Variants in DEF6 observed in about 807,000 individuals in gnomAD.
DEF6 encodes DEF6 guanine nucleotide exchange factor.
Under a neutral mutation model 80.5 loss-of-function variants are expected in DEF6, and 32 were observed. The ratio of observed to expected loss-of-function variants is 0.40; its 90% confidence interval spans 0.30 to 0.53. DEF6 has a LOEUF of 0.53. Ranked by LOEUF, DEF6 falls within the 20% of genes least tolerant of loss-of-function variation. DEF6 has a pLI of 0.57. For missense variants in DEF6, 575 were observed against 818.7 expected (o/e 0.70, Z 3.63); for synonymous variants, 300 against 337.9 (o/e 0.89, Z 1.23).
intron 9 of DEF6, 26 bp from the exon 10 acceptor site, chr6:35,320,858 A>T (rs1167340111): frequency 1.3e-6 from 2 of 1,587,202 alleles, no homozygotes; most frequent in South Asian, 1.1e-5. Context: ...GGTTCTGATC[A>T]CTCCCCACTG....
At chr6:35,317,249 C>T (rs958655495) in intron 5 of DEF6, among the ~76,000 whole-genome samples, 13 of 152,208 alleles carry the variant, frequency 8.5e-5, no homozygotes, top group Middle Eastern at 3.2e-3. Flanking sequence ...AACAGACTAA[C>T]AGTGTGAGGT....
intron 9 of DEF6, 66 bp downstream of exon 9, chr6:35,320,083 G>T: frequency 1.3e-6 from 2 of 1,482,250 alleles, no homozygotes. Context: ...AGGCTCTGGA[G>T]CCAGGCTGCC....
chr6:35,317,555 T>C (rs539006252), intron 5 of DEF6: 2 of 194,558 alleles, frequency 1.0e-5, no homozygotes, highest in African/African-American at 4.7e-5. Context: ...AGCAGGGCTA[T>C]GTGGAAGTGA....
intron 1 of DEF6, among the ~76,000 whole-genome samples, chr6:35,305,147 T>A (rs1791372351): frequency 1.5e-5 from 2 of 134,332 alleles, no homozygotes; most frequent in Non-Finnish European, 3.2e-5. Flanking sequence ...AAAAAAAGAA[T>A]TTTTTTTTTT....
chr6:35,300,321 T>C (rs1185904584), intron 1 of DEF6, among the ~76,000 whole-genome samples: 1 of 152,208 alleles, frequency 6.6e-6, no homozygotes, highest in Non-Finnish European at 1.5e-5. Flanking sequence ...GCCACCTCAC[T>C]GGGCTGGTTA....
Position 35,312,571 on chromosome 6 carries a change from A to C in DEF6, c.660+33A>C. 1 of 1,613,970 alleles carries C rather than the reference A, an allele frequency of 6.2e-7. No individual in the cohort carries two copies. The highest frequency in any genetic ancestry group is 1.1e-5 in the South Asian group (1 of 91,074). On this transcript the variant is annotated intron_variant, in intron 4 of 10. Transcript: ENST00000316637. This position sits in a 1 kb window ranked among gnomAD's most constrained non-coding sequence, Gnocchi z 6.6. ...AAGCTGGGAACTAGGGGAAGCACAC[A>C]AGGTGCAGGGCGAAGGGGGGCCTGG... is the stretch of plus-strand genomic sequence containing the variant.
At chr6:35,298,050 AC>A in intron 1 of DEF6, 98 bp downstream of exon 1, 2 of 1,096,938 alleles carry the variant, frequency 1.8e-6, no homozygotes, top group Non-Finnish European at 1.3e-6. Context: ...CTCCAGGGGC[AC>A]CCAGCCATCC....
chr6:35,301,517 A>G (rs1480879411), intron 1 of DEF6, among the ~76,000 whole-genome samples: 1 of 152,162 alleles, frequency 6.6e-6, no homozygotes, highest in Non-Finnish European at 1.5e-5. Context: ...AAATTGGTCT[A>G]TGATGCAGCC....
Position 35,321,680 on chromosome 6 carries a change from AAG to A in DEF6, c.*276_*277del, listed in dbSNP as rs1351419233. On this transcript the variant is annotated 3_prime_UTR_variant, in exon 11 of 11. Transcript: ENST00000316637. ...CAAGGACCCGATTCTTGGGCTAGGA[AAG>A]AGAGAACAAGCAAGCCGGGGCTACC... 3.0e-6 allele frequency: 1 copy of A among 331,654 alleles called. No individual in the cohort carries two copies. Among genetic ancestry groups the A allele is most frequent in the East Asian group, 4.8e-5 (1 of 20,708 alleles). 20.5% of individuals were successfully genotyped at this position (331,654 alleles called of 1,614,324 possible). A position where few individuals can be genotyped will look rare whatever the true frequency, so the allele number is the denominator to read the frequency against.
rs1175394747 is a variant in DEF6, at chr6:35,309,721, G to C, written c.148G>C (p.Ala50Pro). 1 of 1,614,012 alleles carries C rather than the reference G, an allele frequency of 6.2e-7. No homozygotes were observed. Among genetic ancestry groups the C allele is most frequent in the Non-Finnish European group, 8.5e-7 (1 of 1,179,990 alleles). The part of the protein sequence containing the change: ...TVLHIPHDPV[A>P]LEEHFRDDDD... The stretch of plus-strand genomic sequence containing the variant: ...CCTGCACATCCCCCATGACCCCGTG[G>C]CCCTGGAGGAACACTTCCGAGATGA... Residue 50 changes from alanine (A) to proline (P), a missense_variant, in exon 2 of 11, where the codon GCC (alanine) becomes CCC (proline). Coordinates refer to ENST00000316637, the MANE Select transcript of DEF6 (RefSeq NM_022047.4).
At position 35,318,101 on chromosome 6, in the gene DEF6, C is replaced by T. The variant is rs1188050479; in HGVS notation, c.917-72C>T. 1 of 1,537,408 alleles carries T rather than the reference C, an allele frequency of 6.5e-7. No individual in the cohort carries two copies. Among genetic ancestry groups the T allele is most frequent in the Non-Finnish European group, 8.8e-7 (1 of 1,141,824 alleles). On this transcript the variant is annotated intron_variant, in intron 6 of 10. Transcript: ENST00000316637. The surrounding 1 kb of genome is among the most constrained non-coding windows in gnomAD (Gnocchi z 5.1). ...GTCCAGCGGGAGGTTGGAGAGTGGA[C>T]TCGGGAAACTCCTAAGGCCCCTTTC...
chr6:35,310,734 C>T (rs1435875270), intron 3 of DEF6, 90 bp downstream of exon 3: 1 of 1,311,722 alleles, frequency 7.6e-7, no homozygotes, highest in Non-Finnish European at 1.1e-6. Flanking sequence ...TTGGTGCCTT[C>T]CCATATCCCC....
rs1394374212 is a variant in DEF6 at position 35,312,635 on chromosome 6, TG to T, written c.672del (p.Trp224Ter). The stretch of plus-strand genomic sequence containing the variant: ...TAACTCCGGCTGGCAGGGCTACCTG[TG>T]GAAGCGAGGGCACCTGAGAAGGAAC... Reference protein sequence around the residue: ...IQDVLKQGYLWKRGHLRRNWA... With the variant: ...IQDVLKQGYLXKRGHLRRNWA... On this transcript the variant is annotated frameshift_variant, in exon 5 of 11. Coordinates refer to ENST00000316637, the MANE Select transcript of DEF6 (RefSeq NM_022047.4). LOFTEE classifies it high-confidence loss of function. The surrounding 1 kb of genome is among the most constrained non-coding windows in gnomAD (Gnocchi z 6.6). The T allele has an allele frequency of 6.2e-7, 1 of 1,614,148 alleles. No homozygotes were observed. Among genetic ancestry groups the T allele is most frequent in the Non-Finnish European group, 8.5e-7 (1 of 1,180,002 alleles).
Position 35,320,990 on chromosome 6 carries a change from C to T in DEF6, c.1672+16C>T. Reference sequence around the variant, plus strand: ...GAGCCTGGAGGTGAGAAGGAATAGACTCTGGAGCTTTCCCTGGAGCTGGGA... The same window carrying T: ...GAGCCTGGAGGTGAGAAGGAATAGATTCTGGAGCTTTCCCTGGAGCTGGGA... On this transcript the variant is annotated intron_variant, in intron 10 of 10. Transcript: ENST00000316637. 6.2e-7 allele frequency: 1 copy of T among 1,611,424 alleles called. No homozygotes were observed. The highest frequency in any genetic ancestry group is 8.5e-7 in the Non-Finnish European group (1 of 1,178,096).
chr6:35,307,415 A>G (rs1374143725), intron 1 of DEF6, among the ~76,000 whole-genome samples: 2 of 152,244 alleles, frequency 1.3e-5, no homozygotes, highest in East Asian at 1.9e-4. Flanking sequence ...AGATAAGGAC[A>G]CGGGTAGTTT....
chr6:35,300,497 G>T (rs1344948536), intron 1 of DEF6, among the ~76,000 whole-genome samples: 1 of 152,204 alleles, frequency 6.6e-6, no homozygotes, highest in Non-Finnish European at 1.5e-5. Flanking sequence ...GAGGCCAGAG[G>T]GTAGGAGGAA....
intron 5 of DEF6, among the ~76,000 whole-genome samples, chr6:35,315,824 C>CGG (rs906811557): frequency 3.4e-5 from 5 of 145,306 alleles, no homozygotes; most frequent in African/African-American, 1.3e-4. Flanking sequence ...TTCATCAACT[C>CGG]TAACGGTTTT....
At chr6:35,298,388 G>C (rs1791269124) in intron 1 of DEF6, among the ~76,000 whole-genome samples, 1 of 152,164 alleles carries the variant, frequency 6.6e-6, no homozygotes, top group African/African-American at 2.4e-5. Context: ...ATTTCCTCTG[G>C]AGCTGAGAGA....
chr6:35,304,627 A>G (rs770486215), intron 1 of DEF6, among the ~76,000 whole-genome samples: 75 of 152,106 alleles, frequency 4.9e-4, no homozygotes, highest in Non-Finnish European at 3.2e-4. Flanking sequence ...TCGAACTTTT[A>G]CTCTGAAAAT....
Sources: gnomAD v4.1 joint callset for allele counts (sites outside exome capture counted in the v4.1 genomes callset) on GRCh38, gnomAD v4.1.1 for gene constraint, Gnocchi (gnomAD v3.1) non-coding constraint, MANE v1.5 for transcripts, NCBI Gene and HGNC (gene_info 2026-07-23, HGNC 2026-07-21) for gene names.